ZBED4: variants seen among roughly 807,000 people sequenced by gnomAD.
ZBED4 encodes the protein zinc finger BED-type containing 4.
Under a neutral mutation model 15.5 loss-of-function variants are expected in ZBED4, and 4 were observed. That is an observed-to-expected ratio of 0.26 (90% CI 0.13 to 0.59). ZBED4 has a LOEUF of 0.59. Among genes scored for constraint, ZBED4 ranks in the 20% least tolerant of loss-of-function variants. The pLI is 0.90. For missense variants in ZBED4, 1,323 were observed against 1,461.8 expected (o/e 0.91, Z 1.55); for synonymous variants, 692 against 608.5 (o/e 1.14, Z -2.02).
intron 1 of ZBED4, among the ~76,000 whole-genome samples, chr22:49,863,289 A>G (rs1214525856): frequency 6.6e-6 from 1 of 152,110 alleles, no homozygotes; most frequent in Non-Finnish European, 1.5e-5. Flanking sequence ...CCTCCCTAAT[A>G]ACTGGGACCA....
intron 1 of ZBED4, among the ~76,000 whole-genome samples, chr22:49,880,582 C>T (rs926735978): frequency 6.6e-6 from 1 of 152,214 alleles, no homozygotes; most frequent in Non-Finnish European, 1.5e-5. Context: ...AACGTCGTTT[C>T]GTGCACGGCG....
chr22:49,864,008 G>A (rs1262369568), intron 1 of ZBED4, among the ~76,000 whole-genome samples: 1 of 152,166 alleles, frequency 6.6e-6, no homozygotes, highest in Non-Finnish European at 1.5e-5. Flanking sequence ...TGCTCATCTT[G>A]TATTTTTCCG....
Position 49,865,986 on chromosome 22 carries a change from G to A in ZBED4, c.-330+11997G>A, listed in dbSNP as rs143465920. ...CTCCACCTCCCGATGCTGATTATACGCGTGGGCCACTGTGCCTGGCTAGTT... is the reference window on the plus strand; with the variant it reads ...CTCCACCTCCCGATGCTGATTATACACGTGGGCCACTGTGCCTGGCTAGTT... On this transcript the variant is annotated intron_variant, in intron 1 of 1. Coordinates refer to ENST00000216268, the MANE Select transcript of ZBED4 (RefSeq NM_014838.3). Among the ~76,000 whole-genome samples the A allele has an allele frequency of 4.4e-3, 661 of 151,346 alleles. 5 individuals are homozygous for A. Among genetic ancestry groups the A allele is most frequent in the Non-Finnish European group, 6.2e-3 (422 of 67,942 alleles).
chr22:49,861,455 A>G (rs2060296950), intron 1 of ZBED4, among the ~76,000 whole-genome samples: 1 of 151,974 alleles, frequency 6.6e-6, no homozygotes, highest in Non-Finnish European at 1.5e-5. Flanking sequence ...TTGTTTTGAG[A>G]TAGCGTCTGG....
rs756347823 is a variant in ZBED4, at chr22:49,885,189, C to T, written c.1527C>T (p.Val509=). ...RHLYRRHPEV[V]GSQKGFLGAS... is the part of the protein sequence containing the mutation. Reference sequence around the variant, plus strand: ...TCTACCGGCGCCATCCAGAAGTTGTCGGGAGCCAGAAGGGCTTCCTGGGTG... The same window carrying T: ...TCTACCGGCGCCATCCAGAAGTTGTTGGGAGCCAGAAGGGCTTCCTGGGTG... Residue 509 remains valine, a synonymous_variant, in exon 2 of 2, where the codon GTC becomes GTT. Transcript: ENST00000216268. The T allele has an allele frequency of 8.7e-6, 14 of 1,613,684 alleles. No individual in the cohort carries two copies. The highest frequency in any genetic ancestry group is 1.3e-5 in the African/African-American group (1 of 74,790).
intron 1 of ZBED4, among the ~76,000 whole-genome samples, chr22:49,867,140 C>G (rs533323203): frequency 8.5e-5 from 13 of 152,298 alleles, no homozygotes; most frequent in Non-Finnish European, 1.8e-4. Context: ...TCCAGTTTAC[C>G]TCACGGTTTG....
rs565438168 is a variant in ZBED4 at position 49,863,495 on chromosome 22, C to T, written c.-330+9506C>T. Among the ~76,000 whole-genome samples, 11 of 152,218 alleles carry T rather than the reference C, an allele frequency of 7.2e-5. No homozygotes were observed. The South Asian group carries it at 1.7e-3, about 23-fold the overall frequency. The stretch of plus-strand genomic sequence containing the variant: ...TACAAAAATTAGCTGGGCGTGGTGG[C>T]GAGTGCCTGTAATCCCAGCTGCTCA... On this transcript the variant is annotated intron_variant, in intron 1 of 1. Coordinates refer to ENST00000216268, the MANE Select transcript of ZBED4 (RefSeq NM_014838.3).
rs374590784 is a variant in ZBED4 at position 49,886,167 on chromosome 22, C to T, written c.2505C>T (p.Ile835=). 10 of 698,084 alleles carry T rather than the reference C, an allele frequency of 1.4e-5. No homozygotes were observed. Among genetic ancestry groups the T allele is most frequent in the Middle Eastern group, 2.5e-4 (1 of 4,008 alleles). The allele number at this position is 698,084 out of a possible 1,614,324, so 43.2% of individuals were successfully genotyped here. The part of the protein sequence containing the change: ...VQCFSHTVNL[I]VSEAIKSQRM... ...GCTTCAGCCATACGGTGAACCTGATCGTCAGCGAGGCCATTAAGAGCCAGC... is the reference window on the plus strand; with the variant it reads ...GCTTCAGCCATACGGTGAACCTGATTGTCAGCGAGGCCATTAAGAGCCAGC... The change falls in exon 2 of 2, where the codon ATC becomes ATT. Residue 835 remains isoleucine (I), a synonymous_variant. Coordinates refer to ENST00000216268, the MANE Select transcript of ZBED4 (RefSeq NM_014838.3). The surrounding 1 kb of genome is among the most constrained non-coding windows in gnomAD (Gnocchi z 7.7).
chr22:49,871,637 C>T (rs77618202), intron 1 of ZBED4, among the ~76,000 whole-genome samples: 4 of 152,136 alleles, frequency 2.6e-5, no homozygotes, highest in African/African-American at 9.7e-5. Context: ...ATAATCTCAG[C>T]TGGGAGGAGA....
chr22:49,883,677 G>C lies in ZBED4; in HGVS notation c.15G>C (p.Leu5Phe), dbSNP rs756545095. The change falls in exon 2 of 2, where the codon TTG (leucine) becomes TTC (phenylalanine). Residue 5 changes from leucine to phenylalanine, a missense_variant. Physicochemically the swap from Leu to Phe is conservative, Grantham distance 22 (BLOSUM62 0). This residue lies in a region of ZBED4 where 380 missense variants were observed against 413.7 expected (regional missense o/e 0.92). Transcript: ENST00000216268. The stretch of plus-strand genomic sequence containing the variant: ...TATGGTCAGTCATGGAGAATAACTT[G>C]AAAACTTGTCCCAAAGAGGACGGTG... MENN[L>F]KTCPKEDGDF... 1.5e-5 allele frequency: 23 copies of C among 1,583,964 alleles called. 2 individuals are homozygous for C. Among genetic ancestry groups the C allele is most frequent in the Admixed American group, 5.2e-5 (3 of 57,952 alleles).
upstream of ZBED4, chr22:49,852,852 CT>C (rs542681334): frequency 7.7e-4 from 117 of 152,398 alleles, no homozygotes; most frequent in African/African-American, 2.7e-3. Flanking sequence ...TGTTTTAATT[CT>C]CCCCCAACCT....
chr22:49,860,742 A>G (rs1315138424), intron 1 of ZBED4, among the ~76,000 whole-genome samples: 1 of 151,504 alleles, frequency 6.6e-6, no homozygotes, highest in Non-Finnish European at 1.5e-5. Flanking sequence ...ACTACATAAA[A>G]GCTACCTTTC....
At chr22:49,878,230 G>A (rs1259390082) in intron 1 of ZBED4, among the ~76,000 whole-genome samples, 12 of 150,192 alleles carry the variant, frequency 8.0e-5, no homozygotes, top group Non-Finnish European at 1.2e-4. Flanking sequence ...GTTTGAACCC[G>A]GGAGGCGGAG....
chr22:49,861,064 C>T (rs1313229565), intron 1 of ZBED4, among the ~76,000 whole-genome samples: 1 of 152,128 alleles, frequency 6.6e-6, no homozygotes, highest in African/African-American at 2.4e-5. Flanking sequence ...GCATGAGCCA[C>T]CATGCCCGGC....
At chr22:49,854,977 A>G (rs2060268809) in intron 1 of ZBED4, among the ~76,000 whole-genome samples, 2 of 152,136 alleles carry the variant, frequency 1.3e-5, no homozygotes, top group African/African-American at 4.8e-5. Flanking sequence ...AATTGAGGCT[A>G]GGAAGGATTT....
Position 49,884,234 on chromosome 22 carries a change from C to T in ZBED4, c.572C>T (p.Pro191Leu), listed in dbSNP as rs751463067. 35 of 1,601,918 alleles carry T rather than the reference C, an allele frequency of 2.2e-5. No homozygotes were observed. In the East Asian group the frequency reaches 5.6e-4, roughly 26 times the overall value. Reference protein sequence around the residue: ...SFPSPSLLLPPQPADAGDLST... With the variant: ...SFPSPSLLLPLQPADAGDLST... ...CCCTCTCCCTCACTCCTGCTTCCAC[C>T]ACAGCCTGCGGACGCGGGTGACCTC... is the stretch of plus-strand genomic sequence containing the variant. The change falls in exon 2 of 2, where the codon CCA becomes CTA. Residue 191 changes from proline (P) to leucine (L), a missense_variant. This residue lies in a region of ZBED4 where 380 missense variants were observed against 413.7 expected (regional missense o/e 0.92). Transcript: ENST00000216268.
At chr22:49,871,407 C>T (rs552871813) in intron 1 of ZBED4, among the ~76,000 whole-genome samples, 1 of 152,084 alleles carries the variant, frequency 6.6e-6, no homozygotes, top group East Asian at 2.0e-4. Context: ...AAAGCTTGAA[C>T]TTGGGAGGCG....
At chr22:49,869,700 G>A (rs1001511938) in intron 1 of ZBED4, among the ~76,000 whole-genome samples, 2 of 152,114 alleles carry the variant, frequency 1.3e-5, no homozygotes, top group African/African-American at 2.4e-5. Flanking sequence ...AGTGGAAAGG[G>A]TAGCATAATA....
rs952701346 is a variant in ZBED4, at chr22:49,879,493, G to A, written c.-329-3841G>A. ...TGCCCAGGCACACACCACTATATCC[G>A]CTCTTACAATAGCTGTTTTCATGTC... On this transcript the variant is annotated intron_variant, in intron 1 of 1. Transcript: ENST00000216268. 2.6e-5 allele frequency among the ~76,000 whole-genome samples: 4 copies of A among 151,548 alleles called. No individual in the cohort carries two copies. In the East Asian group the frequency reaches 8.0e-4, roughly 30 times the overall value.
Sources: allele counts gnomAD v4.1 joint callset (sites outside exome capture counted in the v4.1 genomes callset), GRCh38; gene constraint gnomAD v4.1.1; regional missense constraint gnomAD v4.1.1; non-coding constraint Gnocchi (gnomAD v3.1); transcripts MANE v1.5; gene names NCBI Gene and HGNC (gene_info 2026-07-23, HGNC 2026-07-21).